GRID2: variants seen among roughly 807,000 people sequenced by gnomAD.
GRID2 encodes the protein glutamate receptor ionotropic, delta-2.
A neutral mutation model predicts 114.8 loss-of-function variants in GRID2; 33 were observed. That is an observed-to-expected ratio of 0.29 (90% confidence interval 0.22 to 0.38). The LOEUF (loss-of-function observed/expected upper bound fraction) is 0.38, where lower values mean the gene tolerates loss of function less well. Among genes scored for constraint, GRID2 ranks in the 10% least tolerant of loss-of-function variants. The probability of loss-of-function intolerance (pLI) is 1.00; values close to 1 mark genes in which losing one functional copy is unlikely to be tolerated. For synonymous variants in GRID2, 505 were observed against 449.9 expected, an observed-to-expected ratio of 1.12 and a Z score of -1.55; for missense variants, 1,184 against 1,257.7, an observed-to-expected ratio of 0.94 and a Z score of 0.89.
intron 2 of GRID2, among the ~76,000 whole-genome samples, chr4:92,982,862 A>T (rs943535505): frequency 1.3e-5 from 2 of 152,118 alleles, no homozygotes; most frequent in Non-Finnish European, 2.9e-5. Flanking sequence ...ACAAACACTC[A>T]TTAAGACTCA....
intron 2 of GRID2, among the ~76,000 whole-genome samples, chr4:92,715,249 A>G (rs189926186): frequency 6.6e-6 from 1 of 152,292 alleles, no homozygotes; most frequent in East Asian, 1.9e-4. Context: ...ATTTTCCAAC[A>G]AGTTCTTCAT....
intron 4 of GRID2, among the ~76,000 whole-genome samples, chr4:93,145,168 C>T (rs1736092599): frequency 6.6e-6 from 1 of 152,106 alleles, no homozygotes; most frequent in African/African-American, 2.4e-5. Flanking sequence ...CACTTTGTAG[C>T]GCTTATCACA....
At chr4:93,070,214 T>C (rs1728692078) in intron 2 of GRID2, among the ~76,000 whole-genome samples, 1 of 152,102 alleles carries the variant, frequency 6.6e-6, no homozygotes. Context: ...TTTTATACTA[T>C]ATTTTTCAGG....
At chr4:93,104,571 C>T (rs1441936540) in intron 3 of GRID2, among the ~76,000 whole-genome samples, 1 of 151,082 alleles carries the variant, frequency 6.6e-6, no homozygotes, top group Non-Finnish European at 1.5e-5. Context: ...GGTTTTTTGT[C>T]CTTGCAATAG....
chr4:93,675,897 C>T (rs1724812707), intron 14 of GRID2, among the ~76,000 whole-genome samples: 1 of 152,090 alleles, frequency 6.6e-6, no homozygotes, highest in South Asian at 2.1e-4. Context: ...ATTTCCTAAG[C>T]AGAGGTTGGA....
At chr4:92,353,510 T>C (rs1449269332) in intron 1 of GRID2, among the ~76,000 whole-genome samples, 1 of 152,058 alleles carries the variant, frequency 6.6e-6, no homozygotes, top group Non-Finnish European at 1.5e-5. Context: ...TTTTGGAGTC[T>C]CTAATCATTT....
At chr4:92,468,342 A>G (rs558019326) in intron 1 of GRID2, among the ~76,000 whole-genome samples, 3 of 152,020 alleles carry the variant, frequency 2.0e-5, no homozygotes, top group East Asian at 3.9e-4. Flanking sequence ...CCCTGCTAGT[A>G]GAAAGTGGCA....
At chr4:92,341,104 AT>A (rs1727464146) in intron 1 of GRID2, among the ~76,000 whole-genome samples, 1 of 152,208 alleles carries the variant, frequency 6.6e-6, no homozygotes, top group Non-Finnish European at 1.5e-5. Context: ...TATACAGTAT[AT>A]GGTATACAGT....
Position 92,802,509 on chromosome 4 carries a change from A to G in GRID2, c.244+212223A>G, listed in dbSNP as rs148734321. ...TACTTTTTGCATTAAAATCTACTCT[A>G]TCTAGTATATATCATAATCATTGTT... On this transcript the variant is annotated intron_variant, in intron 2 of 15. Coordinates refer to ENST00000282020, the MANE Select transcript of GRID2 (RefSeq NM_001510.4). Among the ~76,000 whole-genome samples the G allele has an allele frequency of 8.4e-4, 128 of 151,702 alleles. 2 individuals carry two copies. The highest frequency in any genetic ancestry group is 2.9e-3 in the African/African-American group (119 of 41,436).
At chr4:93,168,560 A>G (rs1738484213) in intron 4 of GRID2, among the ~76,000 whole-genome samples, 1 of 152,092 alleles carries the variant, frequency 6.6e-6, no homozygotes, top group Non-Finnish European at 1.5e-5. Flanking sequence ...AAATTAATTT[A>G]TTAGTTATAT....
intron 4 of GRID2, among the ~76,000 whole-genome samples, chr4:93,178,542 C>G (rs150845082): frequency 1.3e-5 from 2 of 151,302 alleles, no homozygotes; most frequent in Non-Finnish European, 2.9e-5. Flanking sequence ...ACTACAGGAA[C>G]GTGCCAATAC....
At chr4:93,507,428 C>G (rs1728743136) in intron 12 of GRID2, among the ~76,000 whole-genome samples, 1 of 152,202 alleles carries the variant, frequency 6.6e-6, no homozygotes. Flanking sequence ...CCTTCCTCCT[C>G]ATTATCTAAA....
At chr4:92,544,682 A>T (rs1469236087) in intron 1 of GRID2, among the ~76,000 whole-genome samples, 1 of 152,134 alleles carries the variant, frequency 6.6e-6, no homozygotes, top group Non-Finnish European at 1.5e-5. Context: ...TGACCTGACC[A>T]AGGTCACATA....
At chr4:93,209,024 A>G (rs1428418510) in intron 5 of GRID2, among the ~76,000 whole-genome samples, 1 of 152,040 alleles carries the variant, frequency 6.6e-6, no homozygotes, top group Non-Finnish European at 1.5e-5. Flanking sequence ...TTACACAACT[A>G]TTAGTGATGA....
chr4:93,714,354 G>C (rs114911380), intron 14 of GRID2, among the ~76,000 whole-genome samples: 6,416 of 152,182 alleles, frequency 0.042, 220 homozygotes, highest in African/African-American at 0.085. Context: ...TGGACATTTA[G>C]GTTGACTCCA....
chr4:93,174,168 G>T (rs1247919027), intron 4 of GRID2, among the ~76,000 whole-genome samples: 1 of 152,122 alleles, frequency 6.6e-6, no homozygotes, highest in Non-Finnish European at 1.5e-5. Context: ...ACTCAATGCA[G>T]TGTTATTGTA....
At chr4:93,023,816 T>C (rs1032386313) in intron 2 of GRID2, among the ~76,000 whole-genome samples, 12 of 151,998 alleles carry the variant, frequency 7.9e-5, no homozygotes, top group South Asian at 2.1e-4. Context: ...GACTAAATAA[T>C]GTTCACATTA....
At chr4:93,321,791 A>G (rs1229200500) in intron 8 of GRID2, among the ~76,000 whole-genome samples, 1 of 151,960 alleles carries the variant, frequency 6.6e-6, no homozygotes, top group Admixed American at 6.6e-5. Context: ...CAGAAATTTC[A>G]CATTTGTGAT....
At chr4:93,057,522 A>T (rs538352084) in intron 2 of GRID2, among the ~76,000 whole-genome samples, 1 of 152,002 alleles carries the variant, frequency 6.6e-6, no homozygotes, top group African/African-American at 2.4e-5. Flanking sequence ...AGCAAGAAGA[A>T]GATGAGGGTG....
Sources: gnomAD v4.1 joint callset for allele counts (sites outside exome capture counted in the v4.1 genomes callset) on GRCh38, gnomAD v4.1.1 for gene constraint, MANE v1.5 for transcripts, NCBI Gene and HGNC (gene_info 2026-07-23, HGNC 2026-07-21) for gene names.